CACNG3: variants seen among roughly 807,000 people sequenced by gnomAD.
CACNG3 encodes the protein voltage-dependent calcium channel gamma-3 subunit.
CACNG3 carries 3 observed loss-of-function variants against 28.5 expected under a neutral mutation model. The ratio of observed to expected loss-of-function variants is 0.11; its 90% CI spans 0.05 to 0.27. The LOEUF is 0.27. CACNG3 is among the 10% of genes least tolerant of loss of function. CACNG3 has a pLI of 1.00. For missense variants in CACNG3, 236 were observed against 414.4 expected (o/e 0.57, Z 3.74); for synonymous variants, 174 against 162.2 (o/e 1.07, Z -0.55).
In CACNG3 at chr16:24,361,170, GA is replaced by G. The variant is rs1168384036; in HGVS notation, c.437-180del. The stretch of plus-strand genomic sequence containing the variant: ...ACACATTGCCTGGAACTGAGCAGCA[GA>G]ATTCTTCATTTCCTAAGTGACAGAC... On this transcript the variant is annotated intron_variant, in intron 3 of 3. Transcript: ENST00000005284. This position sits in a 1 kb window ranked among gnomAD's most constrained non-coding sequence, Gnocchi z 6.8. Among the ~76,000 whole-genome samples, 3 of 152,182 alleles carry G rather than the reference GA, an allele frequency of 2.0e-5. No individual in the cohort carries two copies. Among genetic ancestry groups the G allele is most frequent in the African/African-American group, 7.2e-5 (3 of 41,438 alleles).
intron 1 of CACNG3, among the ~76,000 whole-genome samples, chr16:24,300,660 T>A (rs1899096173): frequency 6.7e-6 from 1 of 149,482 alleles, no homozygotes; most frequent in Non-Finnish European, 1.5e-5. Flanking sequence ...TGGTGGCTCA[T>A]GCCCGTAATC....
At chr16:24,317,497 A>AG (rs1899367442) in intron 1 of CACNG3, among the ~76,000 whole-genome samples, 1 of 150,074 alleles carries the variant, frequency 6.7e-6, no homozygotes, top group Non-Finnish European at 1.5e-5. Context: ...AGCTGAATCA[A>AG]GCCACTGCCT....
At chr16:24,307,564 A>G (rs533808991) in intron 1 of CACNG3, among the ~76,000 whole-genome samples, 9 of 152,100 alleles carry the variant, frequency 5.9e-5, no homozygotes, top group Non-Finnish European at 1.2e-4. Flanking sequence ...CCAAGAGTCC[A>G]TCCCAAAAAA....
chr16:24,347,282 C>G (rs762130289), intron 2 of CACNG3, among the ~76,000 whole-genome samples: 1 of 152,002 alleles, frequency 6.6e-6, no homozygotes, highest in Non-Finnish European at 1.5e-5. Flanking sequence ...CATACCACTG[C>G]AGTCCAGCCT....
In CACNG3 at chr16:24,295,425, G is replaced by A. The variant is rs143134963; in HGVS notation, c.211+38460G>A. ...CAGAGACAGTGCAATTTCTGCCTAC[G>A]TTGTTGTTACTCTTCAAGGTGTTAA... On this transcript the variant is annotated intron_variant, in intron 1 of 3. Coordinates refer to ENST00000005284, the MANE Select transcript of CACNG3 (RefSeq NM_006539.4). Among the ~76,000 whole-genome samples, 167 of 152,236 alleles carry A rather than the reference G, an allele frequency of 1.1e-3. 1 individual carries two copies. Among genetic ancestry groups the A allele is most frequent in the African/African-American group, 3.8e-3 (158 of 41,546 alleles).
intron 1 of CACNG3, among the ~76,000 whole-genome samples, chr16:24,317,595 A>G (rs1401738290): frequency 4.3e-5 from 3 of 69,524 alleles, no homozygotes; most frequent in Non-Finnish European, 8.2e-5. Flanking sequence ...AGAAAGAAAG[A>G]AAGAAAGAAA....
chr16:24,269,082 G>T (rs1041142183), intron 1 of CACNG3, among the ~76,000 whole-genome samples: 3 of 152,128 alleles, frequency 2.0e-5, no homozygotes, highest in Admixed American at 2.0e-4. Context: ...GGTCAGGAAT[G>T]GGCAGCTAGG....
intron 3 of CACNG3, among the ~76,000 whole-genome samples, 153 bp downstream of exon 3, chr16:24,355,126 A>G (rs1738492096): frequency 2.0e-5 from 3 of 152,116 alleles, no homozygotes; most frequent in Admixed American, 2.0e-4. Context: ...GAATTCCATT[A>G]GAACCAAAGA....
intron 3 of CACNG3, among the ~76,000 whole-genome samples, chr16:24,360,426 C>T (rs1010952657): frequency 6.6e-5 from 10 of 152,190 alleles, no homozygotes; most frequent in Non-Finnish European, 1.0e-4. Flanking sequence ...CTGCAAGCCT[C>T]GCCCGTTGGA....
chr16:24,322,703 G>C (rs566983410), intron 1 of CACNG3, among the ~76,000 whole-genome samples: 1 of 152,042 alleles, frequency 6.6e-6, no homozygotes, highest in Admixed American at 6.6e-5. Context: ...ACCCACAGAG[G>C]TTCCTTAAAG....
chr16:24,334,770 C>T (rs1899678913), intron 1 of CACNG3, among the ~76,000 whole-genome samples: 1 of 152,232 alleles, frequency 6.6e-6, no homozygotes, highest in Non-Finnish European at 1.5e-5. Context: ...CCAAAATTGG[C>T]ATGGCAGGTT....
chr16:24,278,940 G>A (rs1898785393), intron 1 of CACNG3, among the ~76,000 whole-genome samples: 1 of 152,204 alleles, frequency 6.6e-6, no homozygotes, highest in African/African-American at 2.4e-5. Flanking sequence ...ATGAGCAAAA[G>A]TTAGAGAGAT....
chr16:24,337,946 A>AG (rs1353154964), intron 1 of CACNG3, among the ~76,000 whole-genome samples: 5 of 150,902 alleles, frequency 3.3e-5, no homozygotes, highest in Middle Eastern at 3.2e-3. Context: ...GACAGCTAGA[A>AG]GGGCAGCTGA....
intron 1 of CACNG3, among the ~76,000 whole-genome samples, chr16:24,299,564 G>A (rs947660843): frequency 1.1e-4 from 16 of 152,312 alleles, no homozygotes; most frequent in African/African-American, 3.4e-4. Context: ...GGATAATGCT[G>A]TTCCTGTCAA....
chr16:24,270,761 G>A (rs145124131), intron 1 of CACNG3, among the ~76,000 whole-genome samples: 14 of 152,310 alleles, frequency 9.2e-5, no homozygotes, highest in African/African-American at 3.1e-4. Context: ...CCAAATTACT[G>A]TAAAGCAGAG....
intron 1 of CACNG3, among the ~76,000 whole-genome samples, chr16:24,315,580 C>T (rs1403995751): frequency 2.4e-5 from 3 of 126,920 alleles, no homozygotes; most frequent in African/African-American, 5.9e-5. Flanking sequence ...TTTCTTTCTT[C>T]TCTTTCTTTA....
chr16:24,341,906 CAG>C (rs1899794199), intron 1 of CACNG3, among the ~76,000 whole-genome samples: 2 of 152,218 alleles, frequency 1.3e-5, no homozygotes, highest in Non-Finnish European at 2.9e-5. Context: ...AAATGTGAGA[CAG>C]AGGTCCCCAT....
chr16:24,281,414 C>T (rs1328822520), intron 1 of CACNG3, among the ~76,000 whole-genome samples: 1 of 151,800 alleles, frequency 6.6e-6, no homozygotes, highest in Non-Finnish European at 1.5e-5. Context: ...GCTATGTTGC[C>T]CAGGCTGCTC....
rs148898652 is a variant in CACNG3, at chr16:24,325,448, C to T, written c.212-21286C>T. 4.0e-3 allele frequency among the ~76,000 whole-genome samples: 602 copies of T among 152,330 alleles called. 9 individuals carry two copies. Among genetic ancestry groups the T allele is most frequent in the Admixed American group, 0.031 (475 of 15,302 alleles). The stretch of plus-strand genomic sequence containing the variant: ...CCACACTCCTGAGATCAGAAACACT[C>T]GGGACCCTGGGAGCTCCCTTTCCCA... On this transcript the variant is annotated intron_variant, in intron 1 of 3. Coordinates refer to ENST00000005284, the MANE Select transcript of CACNG3 (RefSeq NM_006539.4).
Sources: allele counts gnomAD v4.1 joint callset (sites outside exome capture counted in the v4.1 genomes callset), GRCh38; gene constraint gnomAD v4.1.1; non-coding constraint Gnocchi (gnomAD v3.1); transcripts MANE v1.5; gene names NCBI Gene and HGNC (gene_info 2026-07-23, HGNC 2026-07-21).